BACE2: variants seen among roughly 807,000 people sequenced by gnomAD.
BACE2 encodes beta-secretase 2, also known as 56 kDa aspartic-like protease.
Under a neutral mutation model 46.2 loss-of-function variants are expected in BACE2, and 17 were observed. The observed-to-expected ratio is 0.37, with a 90% CI of 0.25 to 0.55. The LOEUF (loss-of-function observed/expected upper bound fraction) is 0.55, where lower values mean the gene tolerates loss of function less well. Ranked by LOEUF, BACE2 falls within the 20% of genes least tolerant of loss-of-function variation. BACE2 has a pLI of 0.82. For missense variants in BACE2, 595 were observed against 698.1 expected (o/e 0.85, Z 1.66); for synonymous variants, 277 against 295.9 (o/e 0.94, Z 0.66).
intron 8 of BACE2, among the ~76,000 whole-genome samples, chr21:41,262,170 G>A (rs1045942142): frequency 1.3e-5 from 2 of 152,210 alleles, no homozygotes; most frequent in Non-Finnish European, 2.9e-5. Context: ...TGTTTTGGAA[G>A]GCCAGTTCTC....
chr21:41,238,224 C>T (rs1289012510), intron 3 of BACE2, among the ~76,000 whole-genome samples: 1 of 152,218 alleles, frequency 6.6e-6, no homozygotes, highest in African/African-American at 2.4e-5. Flanking sequence ...TATGGGCAGC[C>T]TGAAGGCATG....
intron 7 of BACE2, among the ~76,000 whole-genome samples, chr21:41,253,934 G>C (rs1000180947): frequency 6.6e-6 from 1 of 152,074 alleles, no homozygotes; most frequent in Non-Finnish European, 1.5e-5. Flanking sequence ...CTTTCTGGGA[G>C]GGGACTCCAG....
chr21:41,222,790 G>A (rs568078304), intron 1 of BACE2, among the ~76,000 whole-genome samples: 30 of 152,332 alleles, frequency 2.0e-4, no homozygotes, highest in African/African-American at 7.2e-4. Flanking sequence ...GGGGTGGGCC[G>A]GTGTGGGCCA....
chr21:41,212,673 A>G (rs750927158), intron 1 of BACE2, among the ~76,000 whole-genome samples: 1 of 152,088 alleles, frequency 6.6e-6, no homozygotes, highest in Non-Finnish European at 1.5e-5. Context: ...GTTTGGACCC[A>G]CCAGCTGTTT....
intron 8 of BACE2, among the ~76,000 whole-genome samples, chr21:41,263,447 A>C (rs1987990223): frequency 6.6e-6 from 1 of 152,232 alleles, no homozygotes; most frequent in African/African-American, 2.4e-5. Context: ...AGTCAACCAA[A>C]GGAAAACAGA....
At chr21:41,246,657 A>T (rs1987479714) in intron 6 of BACE2, among the ~76,000 whole-genome samples, 1 of 152,262 alleles carries the variant, frequency 6.6e-6, no homozygotes, top group Non-Finnish European at 1.5e-5. Flanking sequence ...AATACAATTA[A>T]AATTATGATT....
intron 4 of BACE2, among the ~76,000 whole-genome samples, 194 bp downstream of exon 4, chr21:41,242,141 T>G (rs1211402533): frequency 6.6e-6 from 1 of 152,208 alleles, no homozygotes; most frequent in East Asian, 1.9e-4. Flanking sequence ...TCCTGCCATC[T>G]GGAAGGATGA....
In BACE2 at chr21:41,193,461, T is replaced by A. The variant is rs193176843; in HGVS notation, c.312+24886T>A. Among the ~76,000 whole-genome samples the A allele has an allele frequency of 2.2e-4, 34 of 152,204 alleles. No homozygotes were observed. Among genetic ancestry groups the A allele is most frequent in the Admixed American group, 2.1e-3 (32 of 15,286 alleles). On this transcript the variant is annotated intron_variant, in intron 1 of 8. Transcript: ENST00000330333. The surrounding 1 kb of genome is among the most constrained non-coding windows in gnomAD (Gnocchi z 4.2). ...CTTCTGCACAGGCCAGATGGGAGAG[T>A]TGAATGGGGATGTGGTGGGAATCAC...
intron 5 of BACE2, 151 bp downstream of exon 5, chr21:41,243,661 T>A: frequency 1.3e-6 from 1 of 788,454 alleles, no homozygotes; most frequent in Non-Finnish European, 1.9e-6. Context: ...TGCTGTACAG[T>A]AAGTTGAAAT....
At chr21:41,208,171 C>T (rs985733136) in intron 1 of BACE2, among the ~76,000 whole-genome samples, 7 of 152,190 alleles carry the variant, frequency 4.6e-5, no homozygotes, top group Non-Finnish European at 8.8e-5. Flanking sequence ...TGACCAAGAG[C>T]GAGAAAACCC....
chr21:41,246,116 G>C, intron 6 of BACE2, 53 bp downstream of exon 6: 1 of 1,425,524 alleles, frequency 7.0e-7, no homozygotes, highest in South Asian at 1.2e-5. Context: ...ACAGTCACCT[G>C]CTGAGGAGCA....
At chr21:41,231,574 C>T (rs1397975709) in intron 2 of BACE2, among the ~76,000 whole-genome samples, 2 of 152,178 alleles carry the variant, frequency 1.3e-5, no homozygotes, top group African/African-American at 4.8e-5. Context: ...AATAATAAAA[C>T]GTTCTGTAGC....
chr21:41,225,509 C>T (rs1210421653), intron 1 of BACE2: 1 of 152,150 alleles, frequency 6.6e-6, no homozygotes, highest in East Asian at 1.9e-4. Flanking sequence ...GCTAAGAAAA[C>T]AAACACACAG....
At chr21:41,247,856 G>A (rs1987518424) in intron 6 of BACE2, among the ~76,000 whole-genome samples, 1 of 152,224 alleles carries the variant, frequency 6.6e-6, no homozygotes, top group African/African-American at 2.4e-5. Flanking sequence ...TCACAAGGGC[G>A]CGTTGTGTGT....
intron 1 of BACE2, among the ~76,000 whole-genome samples, chr21:41,187,450 T>C (rs1443440707): frequency 6.6e-6 from 1 of 152,100 alleles, no homozygotes; most frequent in Non-Finnish European, 1.5e-5. Flanking sequence ...CTGGCACAAG[T>C]TAGGATGATA....
At chr21:41,246,254 A>G (rs1987469586) in intron 6 of BACE2, 191 bp downstream of exon 6, 1 of 328,072 alleles carries the variant, frequency 3.0e-6, no homozygotes, top group Non-Finnish European at 5.4e-6. Flanking sequence ...TGTATTTAAA[A>G]TCTTTATATT....
chr21:41,228,353 C>T (rs1986879422), intron 2 of BACE2, among the ~76,000 whole-genome samples: 1 of 152,198 alleles, frequency 6.6e-6, no homozygotes, highest in Non-Finnish European at 1.5e-5. Context: ...TACACTCACA[C>T]ACCCCAAGCA....
chr21:41,230,954 G>A (rs575646850), intron 2 of BACE2, among the ~76,000 whole-genome samples: 6 of 152,300 alleles, frequency 3.9e-5, no homozygotes, highest in South Asian at 2.1e-4. Flanking sequence ...GACCCTCCAC[G>A]AATCTATTCA....
chr21:41,220,264 G>A (rs1296682959), intron 1 of BACE2, among the ~76,000 whole-genome samples: 1 of 152,166 alleles, frequency 6.6e-6, no homozygotes, highest in Non-Finnish European at 1.5e-5. Flanking sequence ...GAAATTTAAT[G>A]AACCCTGTTC....
Sources: gnomAD v4.1 joint callset for allele counts (sites outside exome capture counted in the v4.1 genomes callset) on GRCh38, gnomAD v4.1.1 for gene constraint, Gnocchi (gnomAD v3.1) non-coding constraint, MANE v1.5 for transcripts, NCBI Gene and HGNC (gene_info 2026-07-23, HGNC 2026-07-21) for gene names.